The following SAP30BP variants were observed in gnomAD, a reference collection of about 807,000 sequenced individuals.
SAP30BP encodes the protein SAP30-binding protein.
A neutral mutation model predicts 46.3 loss-of-function variants in SAP30BP; 31 were observed. That is an observed-to-expected ratio of 0.67 (90% CI 0.50 to 0.90). The LOEUF is 0.90. Among genes scored for constraint, SAP30BP ranks in the 40% least tolerant of loss-of-function variants. The pLI is 0.00. For synonymous variants in SAP30BP, 169 were observed against 144.2 expected, an observed-to-expected ratio of 1.17 and a Z score of -1.23; for missense variants, 312 against 391.0, an observed-to-expected ratio of 0.80 and a Z score of 1.70.
rs1024619781 is a variant in SAP30BP at position 75,707,756 on chromosome 17, T to C, written c.*1235T>C. ...TTAAAGCTCTGGGGAGAAGAGCTGC[T>C]CCCCACTCATGCCCCAGAGGGACTG... On this transcript the variant is annotated 3_prime_UTR_variant, in exon 11 of 11. Transcript: ENST00000584667. 6.6e-6 allele frequency: 1 copy of C among 152,158 alleles called. No individual in the cohort carries two copies. Among genetic ancestry groups the C allele is most frequent in the Non-Finnish European group, 1.5e-5 (1 of 68,024 alleles). The allele number at this position is 152,158 out of a possible 1,614,324, so 9.4% of individuals were successfully genotyped here.
intron 3 of SAP30BP, among the ~76,000 whole-genome samples, chr17:75,677,034 A>G (rs940984660): frequency 4.6e-5 from 7 of 152,120 alleles, no homozygotes; most frequent in Admixed American, 2.6e-4. Context: ...CATTGCCCAA[A>G]ATATTAAAGA....
At chr17:75,686,996 T>C (rs1266828896) in intron 3 of SAP30BP, among the ~76,000 whole-genome samples, 1 of 152,252 alleles carries the variant, frequency 6.6e-6, no homozygotes, top group Non-Finnish European at 1.5e-5. Flanking sequence ...TCAGAAAACC[T>C]TGTTTTGACT....
chr17:75,677,656 G>A (rs1488772531), intron 3 of SAP30BP, among the ~76,000 whole-genome samples: 3 of 148,122 alleles, frequency 2.0e-5, no homozygotes, highest in African/African-American at 5.0e-5. Flanking sequence ...ATGTTGGTGA[G>A]GCAGGTCTCA....
intron 3 of SAP30BP, chr17:75,679,377 C>T (rs2060042188): frequency 6.6e-6 from 1 of 152,068 alleles, no homozygotes; most frequent in Admixed American, 6.5e-5. Context: ...CAGGGAGTTC[C>T]CTGGGAACCC....
rs772404392 is a variant in SAP30BP at position 75,702,488 on chromosome 17, C to T, written c.405C>T (p.Ile135=). ...TCTGCTCCTCTTCACAGGACAAGAT[C>T]CAGAAGCTTTATGAACGAAAGATAA... ...GRCSNHLQDK[I]QKLYERKIKE... The change falls in exon 6 of 11, where the codon ATC becomes ATT. Residue 135 remains isoleucine (I), a synonymous_variant. Transcript: ENST00000584667. 9 of 1,546,734 alleles carry T rather than the reference C, an allele frequency of 5.8e-6. No homozygotes were observed. Among genetic ancestry groups the T allele is most frequent in the Non-Finnish European group, 7.1e-6 (8 of 1,121,212 alleles).
intron 3 of SAP30BP, among the ~76,000 whole-genome samples, chr17:75,679,231 C>T (rs1301504449): frequency 6.6e-6 from 1 of 152,022 alleles, no homozygotes; most frequent in Non-Finnish European, 1.5e-5. Context: ...CTCCTGACCT[C>T]GTGATCTGCC....
chr17:75,678,879 C>T (rs545739724), intron 3 of SAP30BP, among the ~76,000 whole-genome samples: 1 of 152,274 alleles, frequency 6.6e-6, no homozygotes, highest in South Asian at 2.1e-4. Context: ...CGCAGAATTC[C>T]ACAGAAGTTT....
At chr17:75,675,786 G>A (rs571508616) in intron 3 of SAP30BP, among the ~76,000 whole-genome samples, 179 of 152,094 alleles carry the variant, frequency 1.2e-3, no homozygotes, top group African/African-American at 4.1e-3. Flanking sequence ...GTGTGGCGGC[G>A]CATGCCTCTA....
chr17:75,667,879 AACACAT>A (rs2148359503), intron 1 of SAP30BP, among the ~76,000 whole-genome samples: 1 of 152,320 alleles, frequency 6.6e-6, no homozygotes, highest in Admixed American at 6.5e-5. Flanking sequence ...ATGTGCCCTA[AACACAT>A]CTTGGAGCTT....
At chr17:75,698,987 T>C (rs2060363814) in intron 4 of SAP30BP, among the ~76,000 whole-genome samples, 1 of 152,050 alleles carries the variant, frequency 6.6e-6, no homozygotes. Context: ...GATCCAACAG[T>C]TCAAGACCAG....
intron 3 of SAP30BP, among the ~76,000 whole-genome samples, chr17:75,682,118 T>C (rs1174315913): frequency 1.3e-5 from 2 of 152,082 alleles, no homozygotes; most frequent in African/African-American, 4.8e-5. Context: ...TGTCAAATTA[T>C]TGTAGCAAGA....
At position 75,703,855 on chromosome 17, in the gene SAP30BP, A is replaced by G. The variant is rs2060453151; in HGVS notation, c.597A>G (p.Ala199=). The G allele has an allele frequency of 2.5e-6, 4 of 1,611,954 alleles. No individual in the cohort carries two copies. The highest frequency in any genetic ancestry group is 2.5e-6 in the Non-Finnish European group (3 of 1,178,078). Residue 199 remains alanine, a synonymous_variant, in exon 8 of 11, where the codon GCA becomes GCG. Transcript: ENST00000584667. ...GGTCTGAGGACTCCTACTATGAGGC[A>G]TTAGGTAGCCTTTCGTCCCTCCTCC... ...HGWSEDSYYE[A]LAKAQKIEMD...
chr17:75,695,763 A>T (rs2060308242), intron 4 of SAP30BP, among the ~76,000 whole-genome samples: 1 of 152,106 alleles, frequency 6.6e-6, no homozygotes, highest in African/African-American at 2.4e-5. Flanking sequence ...TTTAGAGAAC[A>T]AGCAGGAGAG....
chr17:75,703,657 T>G, intron 7 of SAP30BP, 151 bp from the exon 8 acceptor site: 2 of 749,550 alleles, frequency 2.7e-6, no homozygotes, highest in Non-Finnish European at 4.7e-6. Flanking sequence ...TCTTCAGCAC[T>G]TGCCAGCCGC....
chr17:75,671,587 C>T (rs948659411), intron 2 of SAP30BP, among the ~76,000 whole-genome samples: 7 of 152,134 alleles, frequency 4.6e-5, no homozygotes, highest in Non-Finnish European at 8.8e-5. Context: ...ACTAAAGTAA[C>T]TTGACTTTGA....
rs771006551 is a variant in SAP30BP at position 75,668,577 on chromosome 17, T to C, written c.168T>C (p.Gly56=). 2 of 1,606,408 alleles carry C rather than the reference T, an allele frequency of 1.2e-6. No individual in the cohort carries two copies. The highest frequency in any genetic ancestry group is 1.7e-6 in the Non-Finnish European group (2 of 1,177,220). Reference sequence around the variant, plus strand: ...AGGATGACTTTTCTCGTCTAGGGGGTGATGAAGATGGTTATGAAGAAGAAG... The same window carrying C: ...AGGATGACTTTTCTCGTCTAGGGGGCGATGAAGATGGTTATGAAGAAGAAG... ...YGEDDFSRLG[G]DEDGYEEEED... The change falls in exon 2 of 11, where the codon GGT becomes GGC. Residue 56 remains glycine (G), a synonymous_variant. Coordinates refer to ENST00000584667, the MANE Select transcript of SAP30BP (RefSeq NM_013260.8).
chr17:75,671,123 A>G (rs899636692), intron 2 of SAP30BP, among the ~76,000 whole-genome samples: 2 of 152,122 alleles, frequency 1.3e-5, no homozygotes, highest in African/African-American at 4.8e-5. Context: ...CCTCATCTGG[A>G]TAAGGAACAG....
At chr17:75,669,596 T>G (rs1187896319) in intron 2 of SAP30BP, among the ~76,000 whole-genome samples, 4 of 152,024 alleles carry the variant, frequency 2.6e-5, no homozygotes, top group African/African-American at 7.2e-5. Flanking sequence ...TCACTATGTT[T>G]CCCAGTCTGG....
At chr17:75,673,969 TGAG>T (rs1171482850) in intron 3 of SAP30BP, among the ~76,000 whole-genome samples, 1 of 152,238 alleles carries the variant, frequency 6.6e-6, no homozygotes, top group Non-Finnish European at 1.5e-5. Flanking sequence ...CTGTTCCTCT[TGAG>T]GAGCCCTCAG....
Sources: allele counts gnomAD v4.1 joint callset (sites outside exome capture counted in the v4.1 genomes callset), GRCh38; gene constraint gnomAD v4.1.1; transcripts MANE v1.5; gene names NCBI Gene and HGNC (gene_info 2026-07-23, HGNC 2026-07-21).